RIMS4: variants seen among roughly 807,000 people sequenced by gnomAD.
RIMS4 encodes the protein regulating synaptic membrane exocytosis 4.
Under a neutral mutation model 29.0 loss-of-function variants are expected in RIMS4, and 9 were observed. The ratio of observed to expected loss-of-function variants is 0.31; its 90% confidence interval spans 0.19 to 0.54. The LOEUF (loss-of-function observed/expected upper bound fraction) is 0.54. Among genes scored for constraint, RIMS4 ranks in the 20% least tolerant of loss-of-function variants. The pLI is 0.94. For synonymous variants in RIMS4, 130 were observed against 152.9 expected (o/e 0.85, Z 1.10); for missense variants, 193 against 365.7 (o/e 0.53, Z 3.85).
chr20:44,756,505 G>A lies in RIMS4; in HGVS notation c.592-153C>T, dbSNP rs2066060830. ...TCCTCAACAGGCCTTTCTTATCACGGGGCATCACACCAAGCCCCTGGCCTC... is the reference window on the plus strand; with the variant it reads ...TCCTCAACAGGCCTTTCTTATCACGAGGCATCACACCAAGCCCCTGGCCTC... On this transcript the variant is annotated intron_variant, in intron 5 of 5. Coordinates refer to ENST00000372851, the MANE Select transcript of RIMS4 (RefSeq NM_182970.4). This position sits in a 1 kb window ranked among gnomAD's most constrained non-coding sequence, Gnocchi z 5.9. Among the ~76,000 whole-genome samples, 1 of 152,074 alleles carries A rather than the reference G, an allele frequency of 6.6e-6. No homozygotes were observed. Among genetic ancestry groups the A allele is most frequent in the Non-Finnish European group, 1.5e-5 (1 of 68,022 alleles).
At chr20:44,781,007 T>C (rs909711230) in intron 1 of RIMS4, among the ~76,000 whole-genome samples, 2 of 152,230 alleles carry the variant, frequency 1.3e-5, no homozygotes, top group African/African-American at 4.8e-5. Context: ...TTACTCTCAC[T>C]TATCCAACAA....
intron 2 of RIMS4, among the ~76,000 whole-genome samples, chr20:44,759,844 C>T (rs2066076718): frequency 6.6e-6 from 1 of 152,242 alleles, no homozygotes; most frequent in African/African-American, 2.4e-5. Flanking sequence ...CATTTGAAGT[C>T]CCCCAGTGTT....
intron 1 of RIMS4, among the ~76,000 whole-genome samples, chr20:44,775,846 C>A (rs1188937567): frequency 2.0e-5 from 3 of 152,216 alleles, no homozygotes; most frequent in African/African-American, 7.2e-5. Context: ...TTACACCCAA[C>A]CAGCACATTG....
At chr20:44,760,117 G>C (rs1171697289) in intron 2 of RIMS4, among the ~76,000 whole-genome samples, 8 of 152,332 alleles carry the variant, frequency 5.3e-5, no homozygotes, top group Admixed American at 4.6e-4. Flanking sequence ...CCCCGAAACA[G>C]ACAAACCCTC....
At chr20:44,779,879 T>C (rs1244812486) in intron 1 of RIMS4, among the ~76,000 whole-genome samples, 1 of 152,170 alleles carries the variant, frequency 6.6e-6, no homozygotes, top group African/African-American at 2.4e-5. Flanking sequence ...CAGGAAGCAA[T>C]GTTCTGAAGA....
chr20:44,791,708 C>T (rs1486600750), intron 1 of RIMS4, among the ~76,000 whole-genome samples: 1 of 152,192 alleles, frequency 6.6e-6, no homozygotes, highest in Non-Finnish European at 1.5e-5. Flanking sequence ...CTCGACCTGC[C>T]TGAAAATGCA....
At chr20:44,768,331 C>G (rs2066122510) in intron 2 of RIMS4, among the ~76,000 whole-genome samples, 1 of 152,230 alleles carries the variant, frequency 6.6e-6, no homozygotes, top group Non-Finnish European at 1.5e-5. Context: ...ATACATACGC[C>G]TGGTGATCCA....
At chr20:44,792,437 C>T (rs1392603368) in intron 1 of RIMS4, among the ~76,000 whole-genome samples, 1 of 152,006 alleles carries the variant, frequency 6.6e-6, no homozygotes, top group African/African-American at 2.4e-5. Context: ...GGATTAGAGG[C>T]ATGTGCCACC....
At chr20:44,779,330 C>T (rs1227819683) in intron 1 of RIMS4, among the ~76,000 whole-genome samples, 3 of 152,212 alleles carry the variant, frequency 2.0e-5, no homozygotes, top group Non-Finnish European at 4.4e-5. Context: ...TTACAAAGTT[C>T]TACGGAACCA....
chr20:44,780,226 C>T lies in RIMS4; in HGVS notation c.98-8813G>A, dbSNP rs916089645. On this transcript the variant is annotated intron_variant, in intron 1 of 5. Transcript: ENST00000372851. ...TTAAGATGTGAATGGCAACCAGTGG[C>T]ATGTCAGAGTTAAATTCTGACATGT... Among the ~76,000 whole-genome samples, 19 of 152,290 alleles carry T rather than the reference C, an allele frequency of 1.2e-4. 1 individual carries two copies. In the South Asian group the frequency reaches 2.5e-3, roughly 20 times the overall value.
At chr20:44,809,722 C>T (rs1355783640) in intron 1 of RIMS4, among the ~76,000 whole-genome samples, 1 of 152,102 alleles carries the variant, frequency 6.6e-6, no homozygotes, top group Non-Finnish European at 1.5e-5. Flanking sequence ...GGCAGGGATC[C>T]TCTGGATGTG....
At chr20:44,798,306 A>G (rs780401132) in intron 1 of RIMS4, among the ~76,000 whole-genome samples, 13 of 152,244 alleles carry the variant, frequency 8.5e-5, no homozygotes, top group Non-Finnish European at 1.6e-4. Context: ...AAGTGTTGGA[A>G]TAGGCCTGGG....
In RIMS4 at chr20:44,756,793, G is replaced by A; in HGVS notation, c.591+105C>T. 1.7e-6 allele frequency: 2 copies of A among 1,144,832 alleles called. No individual in the cohort carries two copies. Among genetic ancestry groups the A allele is most frequent in the Middle Eastern group, 3.2e-4 (1 of 3,160 alleles). 70.9% of individuals were successfully genotyped at this position (1,144,832 alleles called of 1,614,324 possible). A position where few individuals can be genotyped will look rare whatever the true frequency, so the allele number is the denominator to read the frequency against. On this transcript the variant is annotated intron_variant, in intron 5 of 5. Coordinates refer to ENST00000372851, the MANE Select transcript of RIMS4 (RefSeq NM_182970.4). This position sits in a 1 kb window ranked among gnomAD's most constrained non-coding sequence, Gnocchi z 5.9. Reference sequence around the variant, plus strand: ...GGCCTCGCCTGTTTCCTCCAGGCGAGGCCCTCCAGAGACACCCCCCGCCAG... The same window carrying A: ...GGCCTCGCCTGTTTCCTCCAGGCGAAGCCCTCCAGAGACACCCCCCGCCAG...
intron 1 of RIMS4, among the ~76,000 whole-genome samples, chr20:44,775,091 C>T (rs1044600823): frequency 6.6e-6 from 1 of 152,190 alleles, no homozygotes; most frequent in Non-Finnish European, 1.5e-5. Flanking sequence ...TCTCAACAGA[C>T]ATCTATTGAA....
chr20:44,791,145 T>C (rs2066230652), intron 1 of RIMS4, among the ~76,000 whole-genome samples: 1 of 152,248 alleles, frequency 6.6e-6, no homozygotes, highest in African/African-American at 2.4e-5. Flanking sequence ...AGCATGACCC[T>C]GCTTTGGTTT....
Position 44,765,612 on chromosome 20 carries a change from G to A in RIMS4, c.236+5663C>T, listed in dbSNP as rs2066110042. On this transcript the variant is annotated intron_variant, in intron 2 of 5. Coordinates refer to ENST00000372851, the MANE Select transcript of RIMS4 (RefSeq NM_182970.4). ...AATGCTGCTAAATAGTAGAGGTGGGGAAGAAAAGGGGGTTCTGACCACCCA... is the reference window on the plus strand; with the variant it reads ...AATGCTGCTAAATAGTAGAGGTGGGAAAGAAAAGGGGGTTCTGACCACCCA... Among the ~76,000 whole-genome samples the A allele has an allele frequency of 2.6e-5, 4 of 152,164 alleles. No homozygotes were observed. In the South Asian group the frequency reaches 8.3e-4, roughly 32 times the overall value.
At chr20:44,807,677 AAAG>A (rs2066304831) in intron 1 of RIMS4, among the ~76,000 whole-genome samples, 1 of 152,222 alleles carries the variant, frequency 6.6e-6, no homozygotes, top group Non-Finnish European at 1.5e-5. Flanking sequence ...TGCTGTTCTA[AAAG>A]AATAAATCCA....
At chr20:44,796,296 AC>A (rs1282648866) in intron 1 of RIMS4, among the ~76,000 whole-genome samples, 1 of 151,746 alleles carries the variant, frequency 6.6e-6, no homozygotes, top group Non-Finnish European at 1.5e-5. Flanking sequence ...ATGTCCAACA[AC>A]CCCCCTCACC....
rs2066057844 is a variant in RIMS4 at position 44,755,978 on chromosome 20, G to A, written c.*156C>T. 1 of 633,836 alleles carries A rather than the reference G, an allele frequency of 1.6e-6. No individual in the cohort carries two copies. The highest frequency in any genetic ancestry group is 2.7e-5 in the Admixed American group (1 of 37,000). The allele number at this position is 633,836 out of a possible 1,614,324, so 39.3% of individuals were successfully genotyped here. ...CGGGGGTAGGAGGCAAAGAAGGGGTGAGGAGGGGCCCAAGGGGGGGCAGGT... is the reference window on the plus strand; with the variant it reads ...CGGGGGTAGGAGGCAAAGAAGGGGTAAGGAGGGGCCCAAGGGGGGGCAGGT... On this transcript the variant is annotated 3_prime_UTR_variant, in exon 6 of 6. Coordinates refer to ENST00000372851, the MANE Select transcript of RIMS4 (RefSeq NM_182970.4).
Sources: allele counts gnomAD v4.1 joint callset (sites outside exome capture counted in the v4.1 genomes callset), GRCh38; gene constraint gnomAD v4.1.1; non-coding constraint Gnocchi (gnomAD v3.1); transcripts MANE v1.5; gene names NCBI Gene and HGNC (gene_info 2026-07-23, HGNC 2026-07-21).